The following STAM2 variants were observed in gnomAD, a reference collection of about 807,000 sequenced individuals.
The protein encoded by STAM2 is signal transducing adaptor molecule 2, also known as signal transducing adapter molecule 2.
In STAM2, 51 loss-of-function variants were observed where a neutral mutation model predicts 65.6. That is an observed-to-expected ratio of 0.78 (90% CI 0.62 to 0.98). STAM2 has a LOEUF of 0.98. STAM2 is among the 50% of genes least tolerant of loss of function. The pLI is 0.00. For missense variants in STAM2, 584 were observed against 617.8 expected, an observed-to-expected ratio of 0.95 and a Z score of 0.58; for synonymous variants, 198 against 208.4, an observed-to-expected ratio of 0.95 and a Z score of 0.43.
rs1430506352 is a variant in STAM2, at chr2:152,120,773, G to A, written c.1379C>T (p.Thr460Ile). ...STGQDTVSNP[T>I]YMNQNSNLQS... is the part of the protein sequence containing the mutation. ...TAGGTTAGAGTTCTGGTTCATATAA[G>A]TAGGATTGGAAACAGTGTCTTGTCC... The change falls in exon 14 of 14, where the codon ACT becomes ATT. Residue 460 changes from threonine to isoleucine, a missense_variant. Coordinates refer to ENST00000263904, the MANE Select transcript of STAM2 (RefSeq NM_005843.6). The A allele has an allele frequency of 1.2e-6, 2 of 1,614,138 alleles. No homozygotes were observed. Among genetic ancestry groups the A allele is most frequent in the Non-Finnish European group, 1.7e-6 (2 of 1,180,006 alleles).
At chr2:152,136,176 G>A (rs1451761359) in intron 7 of STAM2, among the ~76,000 whole-genome samples, 1 of 151,030 alleles carries the variant, frequency 6.6e-6, no homozygotes, top group Non-Finnish European at 1.5e-5. Context: ...GATGCAGTAG[G>A]TCATGCCTGT....
chr2:152,161,454 GC>G (rs1411334290), intron 1 of STAM2, among the ~76,000 whole-genome samples: 4 of 136,044 alleles, frequency 2.9e-5, no homozygotes, highest in African/African-American at 1.1e-4. Flanking sequence ...CTGTGACCCT[GC>G]CAAATCCCCC....
chr2:152,150,448 T>C (rs1167738528), intron 1 of STAM2, among the ~76,000 whole-genome samples: 1 of 152,208 alleles, frequency 6.6e-6, no homozygotes, highest in Admixed American at 6.5e-5. Context: ...GCCTTCTAAA[T>C]AAACAAATTA....
chr2:152,161,340 A>AC (rs1365400658), intron 1 of STAM2, among the ~76,000 whole-genome samples: 1 of 150,908 alleles, frequency 6.6e-6, no homozygotes, highest in Non-Finnish European at 1.5e-5. Context: ...AATCTCAAGT[A>AC]CCCAGGGACA....
intron 1 of STAM2, among the ~76,000 whole-genome samples, chr2:152,158,084 T>C (rs1011781674): frequency 6.6e-6 from 1 of 152,242 alleles, no homozygotes; most frequent in Non-Finnish European, 1.5e-5. Flanking sequence ...GACATTATTA[T>C]ATTTTCAAGA....
At chr2:152,160,698 G>C (rs1313324572) in intron 1 of STAM2, among the ~76,000 whole-genome samples, 2 of 145,812 alleles carry the variant, frequency 1.4e-5, no homozygotes, top group African/African-American at 2.6e-5. Flanking sequence ...GGAGGGAGGT[G>C]GGGGGGTCAG....
intron 1 of STAM2, among the ~76,000 whole-genome samples, chr2:152,163,382 C>T (rs1264166813): frequency 6.6e-6 from 1 of 152,190 alleles, no homozygotes; most frequent in Non-Finnish European, 1.5e-5. Flanking sequence ...TCTTTAATTT[C>T]TTAATCCTGT....
intron 1 of STAM2, among the ~76,000 whole-genome samples, chr2:152,152,977 C>T (rs1404718275): frequency 6.6e-6 from 1 of 152,010 alleles, no homozygotes; most frequent in Non-Finnish European, 1.5e-5. Context: ...TTTTCAATAT[C>T]TTTTTTTGTG....
At position 152,116,833 on chromosome 2, in the gene STAM2, G is replaced by T. The variant is rs1456485840; in HGVS notation, c.*3741C>A. On this transcript the variant is annotated 3_prime_UTR_variant, in exon 14 of 14. Transcript: ENST00000263904. ...TAAATAACTTTTATTAGAGTATATTGTTACAACTCTTTCATCTTATTAGTT... is the reference window on the plus strand; with the variant it reads ...TAAATAACTTTTATTAGAGTATATTTTTACAACTCTTTCATCTTATTAGTT... 1.3e-5 allele frequency: 2 copies of T among 152,196 alleles called. No homozygotes were observed. Among genetic ancestry groups the T allele is most frequent in the African/African-American group, 2.4e-5 (1 of 41,450 alleles). The allele number at this position is 152,196 out of a possible 1,614,324, so 9.4% of individuals were successfully genotyped here. A position where few individuals can be genotyped will look rare whatever the true frequency, so the allele number is the denominator to read the frequency against.
In STAM2 at chr2:152,135,516, A is replaced by C. The variant is rs1457559164; in HGVS notation, c.792T>G (p.Thr264=). ...GTCTAAGATTTAACTTACCTGCCTC[A>C]GTCTCTATGTTTAAATTAGTTGTTA... The part of the protein sequence containing the change: ...NFVTTNLNIE[T]EAAAVDKLNV... Residue 264 remains threonine, a synonymous_variant, in exon 8 of 14, where the codon ACT becomes ACG. Transcript: ENST00000263904. 1.2e-6 allele frequency: 2 copies of C among 1,605,298 alleles called. No individual in the cohort carries two copies. The highest frequency in any genetic ancestry group is 4.5e-5 in the East Asian group (2 of 44,734).
chr2:152,143,800 A>G, intron 7 of STAM2, 27 bp downstream of exon 7: 1 of 1,575,672 alleles, frequency 6.3e-7, no homozygotes, highest in Non-Finnish European at 8.7e-7. Context: ...TACACTTTAA[A>G]CCTTCCCATA....
chr2:152,167,735 A>AAAAT (rs71309008), intron 1 of STAM2, among the ~76,000 whole-genome samples: 2 of 151,162 alleles, frequency 1.3e-5, no homozygotes, highest in South Asian at 2.1e-4. Flanking sequence ...TTTCTAGAAA[A>AAAAT]AAATAAATAA....
At chr2:152,169,878 G>A (rs1257611283) in intron 1 of STAM2, among the ~76,000 whole-genome samples, 3 of 150,598 alleles carry the variant, frequency 2.0e-5, no homozygotes, top group Non-Finnish European at 4.4e-5. Context: ...TTTTGAGATG[G>A]AGTCTCACTC....
At chr2:152,149,019 C>T (rs972896331) in intron 2 of STAM2, among the ~76,000 whole-genome samples, 18 of 152,174 alleles carry the variant, frequency 1.2e-4, no homozygotes, top group Admixed American at 6.5e-4. Context: ...AAAACAAATG[C>T]TTTCATCACT....
intron 1 of STAM2, among the ~76,000 whole-genome samples, chr2:152,173,117 T>C (rs1384011039): frequency 6.6e-6 from 1 of 151,538 alleles, no homozygotes. Flanking sequence ...ACAGTCTATT[T>C]ACTCATTTTG....
In STAM2 at chr2:152,138,371, CT is replaced by C. The variant is rs566344861; in HGVS notation, c.705-2769del. The stretch of plus-strand genomic sequence containing the variant: ...TAATTTTTGTTACTACTGAGAATGA[CT>C]TTTTTTTACTACATTTTCTAAAAAG... On this transcript the variant is annotated intron_variant, in intron 7 of 13. Coordinates refer to ENST00000263904, the MANE Select transcript of STAM2 (RefSeq NM_005843.6). 2.1e-3 allele frequency among the ~76,000 whole-genome samples: 317 copies of C among 151,852 alleles called. 1 individual carries two copies. The highest frequency in any genetic ancestry group is 6.8e-3 in the African/African-American group (281 of 41,420).
chr2:152,149,453 A>G (rs927329917), intron 2 of STAM2, among the ~76,000 whole-genome samples: 2 of 151,304 alleles, frequency 1.3e-5, no homozygotes, highest in Non-Finnish European at 2.9e-5. Flanking sequence ...AAATCTGTGT[A>G]TAACTTTTGA....
At chr2:152,154,057 T>C (rs539263328) in intron 1 of STAM2, among the ~76,000 whole-genome samples, 2 of 152,364 alleles carry the variant, frequency 1.3e-5, no homozygotes, top group South Asian at 4.1e-4. Context: ...ATAACACTTT[T>C]GTTATTAACA....
intron 1 of STAM2, among the ~76,000 whole-genome samples, chr2:152,168,610 T>C (rs1689840525): frequency 6.6e-6 from 1 of 152,232 alleles, no homozygotes; most frequent in African/African-American, 2.4e-5. Flanking sequence ...AAATTATACA[T>C]AAGCTTATCA....
Sources: gnomAD v4.1 joint callset for allele counts (sites outside exome capture counted in the v4.1 genomes callset) on GRCh38, gnomAD v4.1.1 for gene constraint, MANE v1.5 for transcripts, NCBI Gene and HGNC (gene_info 2026-07-23, HGNC 2026-07-21) for gene names.